XKR4: variants seen among roughly 807,000 people sequenced by gnomAD.
The protein encoded by XKR4 is XK-related protein 4.
Under a neutral mutation model 53.9 loss-of-function variants are expected in XKR4, and 12 were observed. The ratio of observed to expected loss-of-function variants is 0.22; its 90% CI spans 0.14 to 0.36. The LOEUF (loss-of-function observed/expected upper bound fraction) is 0.36. Ranked by LOEUF, XKR4 falls within the 10% of genes least tolerant of loss-of-function variation. The pLI, the probability that XKR4 is intolerant of heterozygous loss-of-function variation, is 1.00. For synonymous variants in XKR4, 354 were observed against 362.4 expected, an observed-to-expected ratio of 0.98 and a Z score of 0.26; for missense variants, 799 against 859.5, an observed-to-expected ratio of 0.93 and a Z score of 0.88.
chr8:55,448,341 G>A (rs886240939), intron 2 of XKR4, among the ~76,000 whole-genome samples: 4 of 152,174 alleles, frequency 2.6e-5, no homozygotes, highest in African/African-American at 9.7e-5. Flanking sequence ...TCAATGAAAT[G>A]AAAAACACTT....
At chr8:55,215,157 A>G (rs1435009002) in intron 1 of XKR4, among the ~76,000 whole-genome samples, 1 of 151,920 alleles carries the variant, frequency 6.6e-6, no homozygotes, top group Non-Finnish European at 1.5e-5. Context: ...GTATTATCAC[A>G]TGTGATAGAT....
At chr8:55,234,524 CT>C (rs1489049728) in intron 1 of XKR4, among the ~76,000 whole-genome samples, 3 of 152,260 alleles carry the variant, frequency 2.0e-5, no homozygotes, top group Admixed American at 6.5e-5. Flanking sequence ...ATGTCTCATA[CT>C]GAAATCACTC....
chr8:55,207,852 A>G (rs1014702080), intron 1 of XKR4, among the ~76,000 whole-genome samples: 1 of 152,256 alleles, frequency 6.6e-6, no homozygotes, highest in South Asian at 2.1e-4. Flanking sequence ...TAGGGTGTCT[A>G]GACCTCACCT....
intron 1 of XKR4, among the ~76,000 whole-genome samples, chr8:55,313,479 A>G (rs1819415185): frequency 6.6e-6 from 1 of 152,158 alleles, no homozygotes; most frequent in Admixed American, 6.5e-5. Context: ...TGGAAGAAAG[A>G]GCACAAGTTA....
chr8:55,195,172 G>T (rs1817488879), intron 1 of XKR4, among the ~76,000 whole-genome samples: 1 of 98,668 alleles, frequency 1.0e-5, no homozygotes. Context: ...TGAACTAACT[G>T]GAAAAAAAGC....
At chr8:55,408,975 C>T (rs1230459387) in intron 2 of XKR4, among the ~76,000 whole-genome samples, 2 of 149,454 alleles carry the variant, frequency 1.3e-5, no homozygotes, top group South Asian at 2.1e-4. Context: ...CCACTGCACT[C>T]CAGCCTGGAC....
At chr8:55,414,655 C>G (rs957444832) in intron 2 of XKR4, among the ~76,000 whole-genome samples, 3 of 151,742 alleles carry the variant, frequency 2.0e-5, no homozygotes, top group Non-Finnish European at 4.4e-5. Context: ...TGCATAAAGA[C>G]CAGGAAGTGG....
chr8:55,352,537 G>T (rs1803739020), intron 1 of XKR4, among the ~76,000 whole-genome samples: 1 of 152,190 alleles, frequency 6.6e-6, no homozygotes, highest in Non-Finnish European at 1.5e-5. Flanking sequence ...GTCACAGACA[G>T]GTCACACTAG....
chr8:55,464,852 A>G (rs2129398849), intron 2 of XKR4, among the ~76,000 whole-genome samples: 1 of 152,330 alleles, frequency 6.6e-6, no homozygotes, highest in East Asian at 1.9e-4. Flanking sequence ...ACAGACAAAC[A>G]GAGAGCCAAA....
intron 1 of XKR4, among the ~76,000 whole-genome samples, chr8:55,347,744 C>A (rs1803669125): frequency 6.6e-6 from 1 of 152,180 alleles, no homozygotes; most frequent in Non-Finnish European, 1.5e-5. Flanking sequence ...ATCCACTGTT[C>A]TCTCATGCTC....
intron 2 of XKR4, chr8:55,451,526 C>T (rs973032040): frequency 7.7e-6 from 8 of 1,040,816 alleles, no homozygotes; most frequent in African/African-American, 6.3e-5. Flanking sequence ...TTAAAGAGTC[C>T]GACTACACCT....
chr8:55,288,264 G>A (rs1004738203), intron 1 of XKR4, among the ~76,000 whole-genome samples: 5 of 152,138 alleles, frequency 3.3e-5, no homozygotes, highest in Non-Finnish European at 5.9e-5. Flanking sequence ...CAAGGGCTTG[G>A]GGAAAGAGCT....
chr8:55,373,695 T>C, intron 2 of XKR4, among the ~76,000 whole-genome samples: 1 of 152,210 alleles, frequency 6.6e-6, no homozygotes, highest in East Asian at 1.9e-4. Context: ...AAACAGGTAT[T>C]TTTAACAAAG....
chr8:55,494,913 G>A (rs1806320125), intron 2 of XKR4, among the ~76,000 whole-genome samples: 1 of 152,140 alleles, frequency 6.6e-6, no homozygotes. Context: ...GACCTCCCCA[G>A]CTGGAAGGTG....
chr8:55,498,997 G>C (rs912106423), intron 2 of XKR4, among the ~76,000 whole-genome samples: 1 of 152,206 alleles, frequency 6.6e-6, no homozygotes, highest in Non-Finnish European at 1.5e-5. Flanking sequence ...GATATTCAAG[G>C]CCGTAAATAA....
intron 1 of XKR4, among the ~76,000 whole-genome samples, chr8:55,320,871 G>T (rs758598419): frequency 1.3e-5 from 2 of 151,972 alleles, no homozygotes; most frequent in South Asian, 4.2e-4. Flanking sequence ...TTATGTATTG[G>T]TGTGTCTCCC....
chr8:55,462,675 C>A (rs1223228241), intron 2 of XKR4, among the ~76,000 whole-genome samples: 6 of 152,172 alleles, frequency 3.9e-5, no homozygotes, highest in Non-Finnish European at 7.3e-5. Flanking sequence ...AAGCCACAGA[C>A]TGGCAAATTG....
At chr8:55,183,547 T>C (rs940860524) in intron 1 of XKR4, among the ~76,000 whole-genome samples, 1 of 152,134 alleles carries the variant, frequency 6.6e-6, no homozygotes, top group Non-Finnish European at 1.5e-5. Context: ...GAATTTTTCT[T>C]ATATCTCTCT....
chr8:55,468,903 A>G (rs544363308), intron 2 of XKR4, among the ~76,000 whole-genome samples: 15 of 152,230 alleles, frequency 9.9e-5, no homozygotes, highest in Admixed American at 2.0e-4. Context: ...GATTCTGACT[A>G]TGCATTCTTG....
Sources: allele counts gnomAD v4.1 joint callset (sites outside exome capture counted in the v4.1 genomes callset), GRCh38; gene constraint gnomAD v4.1.1; transcripts MANE v1.5; gene names NCBI Gene and HGNC (gene_info 2026-07-23, HGNC 2026-07-21).